Variants in PHF8 observed in about 807,000 individuals in gnomAD.
PHF8 encodes the protein PHD finger protein 8.
Under a neutral mutation model 74.4 loss-of-function variants are expected in PHF8, and 9 were observed. That is an observed-to-expected ratio of 0.12 (90% CI 0.07 to 0.21). The LOEUF is 0.21. PHF8 is among the 10% of genes least tolerant of loss of function. The pLI is 1.00. For missense variants in PHF8, 478 were observed against 816.6 expected, an observed-to-expected ratio of 0.59 and a Z score of 5.05; for synonymous variants, 311 against 316.6, an observed-to-expected ratio of 0.98 and a Z score of 0.19.
intron 2 of PHF8, among the ~76,000 whole-genome samples, chrX:54,031,098 G>A (rs1394471611): frequency 8.9e-6 from 1 of 111,747 alleles, no homozygotes; most frequent in African/African-American, 3.3e-5. Flanking sequence ...AGCAGAGCAG[G>A]ATACAAATTC....
intron 4 of PHF8, among the ~76,000 whole-genome samples, chrX:54,020,777 T>TA (rs56114966): frequency 0.14 from 13,961 of 103,235 alleles, 995 homozygotes; most frequent in African/African-American, 0.26. Flanking sequence ...TGAAAAGAAG[T>TA]AAAAAAAAAA....
intron 18 of PHF8, among the ~76,000 whole-genome samples, chrX:53,968,862 T>C (rs888995620): frequency 1.8e-5 from 2 of 111,336 alleles, no homozygotes; most frequent in Non-Finnish European, 3.8e-5. Flanking sequence ...TGAGCCAAGA[T>C]TGCGCCACTG....
intron 6 of PHF8, among the ~76,000 whole-genome samples, chrX:54,015,645 A>C (rs1221356896): frequency 9.1e-6 from 1 of 109,529 alleles, no homozygotes; most frequent in African/African-American, 3.3e-5. Flanking sequence ...ATAATACGTT[A>C]CCATTGAGGG....
chrX:53,939,368 T>C (rs1045295824), intron 21 of PHF8, 122 bp from the exon 22 acceptor site: 4 of 536,555 alleles, frequency 7.5e-6, no homozygotes, highest in Non-Finnish European at 1.2e-5. Context: ...TCTCCATCCT[T>C]AGACCATATT....
chrX:53,984,592 G>C (rs1328955407), intron 18 of PHF8, among the ~76,000 whole-genome samples: 1 of 111,575 alleles, frequency 9.0e-6, no homozygotes, highest in African/African-American at 3.3e-5. Context: ...AAACAGGCAA[G>C]AGAAAAAAAG....
rs2064690247 is a variant in PHF8 at position 53,937,866 on chromosome X, G to A, written c.*1292C>T. On this transcript the variant is annotated 3_prime_UTR_variant, in exon 22 of 22. Transcript: ENST00000338154. Reference sequence around the variant, plus strand: ...GAGGTGGGGGGATGTTCTCCATCGAGTCCAGATTGCCAGTGAGGCAAGGCG... The same window carrying A: ...GAGGTGGGGGGATGTTCTCCATCGAATCCAGATTGCCAGTGAGGCAAGGCG... 1.7e-6 allele frequency: 1 copy of A among 591,381 alleles called. No homozygotes were observed. Among genetic ancestry groups the A allele is most frequent in the Non-Finnish European group, 2.7e-6 (1 of 366,618 alleles). 48.7% of individuals were successfully genotyped at this position (591,381 alleles called of 1,213,427 possible).
At chrX:54,021,714 C>T (rs922810763) in intron 4 of PHF8, among the ~76,000 whole-genome samples, 2 of 109,032 alleles carry the variant, frequency 1.8e-5, no homozygotes, top group South Asian at 3.9e-4. Context: ...GTGATCCGCC[C>T]GCCTCGGCCT....
chrX:54,009,703 C>T (rs903888379), intron 8 of PHF8, among the ~76,000 whole-genome samples: 1 of 105,513 alleles, frequency 9.5e-6, no homozygotes, highest in Non-Finnish European at 1.9e-5. Context: ...ATTAGCCAGG[C>T]GTGGCAGCAG....
intron 19 of PHF8, among the ~76,000 whole-genome samples, chrX:53,949,288 T>A (rs1557086182): frequency 9.1e-6 from 1 of 110,471 alleles, no homozygotes; most frequent in Non-Finnish European, 1.9e-5. Context: ...TGAGCTGAGA[T>A]CGCGCTACTG....
intron 6 of PHF8, 152 bp from the exon 7 acceptor site, chrX:54,014,715 C>A (rs1465113780): frequency 2.1e-6 from 1 of 482,147 alleles, no homozygotes; most frequent in Non-Finnish European, 3.7e-6. Flanking sequence ...ACACTTATTT[C>A]TGTTCTGTAA....
rs2065952773 is a variant in PHF8, at chrX:54,009,844, G to GGAAAAAAAAAAAAAAAAAA, written c.946+1277_946+1278insTTTTTTTTTTTTTTTTTTC. Among the ~76,000 whole-genome samples, 11 of 9,383 alleles carry GGAAAAAAAAAAAAAAAAAA rather than the reference G, an allele frequency of 1.2e-3. 2 individuals are homozygous for GGAAAAAAAAAAAAAAAAAA. Among genetic ancestry groups the GGAAAAAAAAAAAAAAAAAA allele is most frequent in the Admixed American group, 2.8e-3 (1 of 356 alleles). 8.1% of individuals were successfully genotyped at this position (9,383 alleles called of 115,157 possible). A position where few individuals can be genotyped will look rare whatever the true frequency, so the allele number is the denominator to read the frequency against. ...GGTGACAGAGTGAGACTCTGTCTCAGAAAAAAAAAAAAAAAAAAAAAAAAA... is the reference window on the plus strand; with the variant it reads ...GGTGACAGAGTGAGACTCTGTCTCAGGAAAAAAAAAAAAAAAAAAAAAAAAAAAAAAAAAAAAAAAAAAA... On this transcript the variant is annotated intron_variant, in intron 8 of 21. Transcript: ENST00000338154.
chrX:54,020,421 T>C (rs1461998779), intron 4 of PHF8, among the ~76,000 whole-genome samples: 1 of 111,417 alleles, frequency 9.0e-6, no homozygotes, highest in Non-Finnish European at 1.9e-5. Flanking sequence ...ACTGGTTAAA[T>C]AAATGTTACA....
intron 18 of PHF8, among the ~76,000 whole-genome samples, chrX:53,979,850 G>T (rs1473663044): frequency 1.8e-5 from 2 of 111,439 alleles, no homozygotes; most frequent in African/African-American, 6.5e-5. Flanking sequence ...TTAACCAGGA[G>T]TGGTGGCGTG....
intron 2 of PHF8, among the ~76,000 whole-genome samples, chrX:54,028,305 G>GT (rs1268994796): frequency 1.8e-5 from 2 of 111,633 alleles, no homozygotes; most frequent in African/African-American, 6.5e-5. Context: ...GTAGTAGGGT[G>GT]TTGTAGGCCA....
At chrX:54,016,346 T>C (rs1205499438) in intron 6 of PHF8, among the ~76,000 whole-genome samples, 2 of 109,893 alleles carry the variant, frequency 1.8e-5, no homozygotes, top group African/African-American at 6.6e-5. Flanking sequence ...ATACAAAAAT[T>C]AGCCAGGCAT....
At chrX:54,037,004 A>AG (rs2066473810) in intron 2 of PHF8, among the ~76,000 whole-genome samples, 1 of 108,527 alleles carries the variant, frequency 9.2e-6, no homozygotes, top group African/African-American at 3.3e-5. Flanking sequence ...AAAAAATAAA[A>AG]AAAAAAAAAA....
At chrX:53,970,326 A>G in intron 18 of PHF8, among the ~76,000 whole-genome samples, 1 of 111,816 alleles carries the variant, frequency 8.9e-6, no homozygotes, top group Middle Eastern at 4.6e-3. Flanking sequence ...ACCAGAACAG[A>G]CATTTCTCAA....
At chrX:53,954,990 A>G (rs1031639977) in intron 19 of PHF8, among the ~76,000 whole-genome samples, 1 of 111,053 alleles carries the variant, frequency 9.0e-6, no homozygotes, top group African/African-American at 3.3e-5. Flanking sequence ...GGAAATCTCT[A>G]TTTCTTCATG....
chrX:54,039,764 C>T (rs1363782303), intron 2 of PHF8: 1 of 112,118 alleles, frequency 8.9e-6, no homozygotes, highest in Admixed American at 9.5e-5. Context: ...CAATGTCCAA[C>T]CATAAAGGAA....
Sources: allele counts gnomAD v4.1 joint callset (sites outside exome capture counted in the v4.1 genomes callset), GRCh38; gene constraint gnomAD v4.1.1; transcripts MANE v1.5; gene names NCBI Gene and HGNC (gene_info 2026-07-23, HGNC 2026-07-21).